The following KCNAB1 variants were observed in gnomAD, a reference collection of about 807,000 sequenced individuals.
KCNAB1 encodes potassium voltage-gated channel subfamily A regulatory beta subunit 1.
KCNAB1 carries 35 observed loss-of-function variants against 64.6 expected under a neutral mutation model. The observed-to-expected ratio is 0.54, with a 90% CI of 0.41 to 0.72. KCNAB1 has a LOEUF of 0.72. KCNAB1 is among the 30% of genes least tolerant of loss of function. The pLI, the probability that KCNAB1 is intolerant of heterozygous loss-of-function variation, is 0.00. For synonymous variants in KCNAB1, 177 were observed against 183.8 expected (o/e 0.96, Z 0.30); for missense variants, 401 against 512.9 (o/e 0.78, Z 2.11).
At chr3:156,417,219 AAAAC>A (rs977163596) in intron 1 of KCNAB1, among the ~76,000 whole-genome samples, 13 of 152,368 alleles carry the variant, frequency 8.5e-5, no homozygotes, top group Admixed American at 4.6e-4. Flanking sequence ...TTTCTTAAAA[AAAAC>A]AAACAAACCC....
intron 1 of KCNAB1, among the ~76,000 whole-genome samples, chr3:156,360,072 C>G (rs1023938345): frequency 6.6e-6 from 1 of 152,096 alleles, no homozygotes; most frequent in South Asian, 2.1e-4. Context: ...CTTCAGTGTT[C>G]GGTTACTATT....
intron 1 of KCNAB1, among the ~76,000 whole-genome samples, chr3:156,259,903 C>CCAT (rs947841555): frequency 1.3e-5 from 2 of 152,172 alleles, no homozygotes; most frequent in African/African-American, 4.8e-5. Flanking sequence ...ACTATTGCTG[C>CCAT]TCTGCCATCT....
intron 1 of KCNAB1, among the ~76,000 whole-genome samples, chr3:156,419,621 C>CATTAAAA (rs1176286214): frequency 2.6e-5 from 4 of 152,104 alleles, no homozygotes; most frequent in Admixed American, 1.3e-4. Flanking sequence ...TACTGAAAGA[C>CATTAAAA]ATTAAAAATA....
At chr3:156,158,183 TAAATAAATAAATAAATA>T (rs1159790429) in intron 1 of KCNAB1, among the ~76,000 whole-genome samples, 9 of 31,994 alleles carry the variant, frequency 2.8e-4, no homozygotes, top group African/African-American at 7.9e-4. Context: ...AAATAAAAAA[TAAATAAATAAATAAATA>T]AATAAATAAA....
intron 1 of KCNAB1, among the ~76,000 whole-genome samples, chr3:156,235,040 G>A (rs1168124812): frequency 6.6e-6 from 1 of 152,204 alleles, no homozygotes; most frequent in African/African-American, 2.4e-5. Context: ...GCTGTGGTGA[G>A]GGAACTGGGC....
intron 1 of KCNAB1, among the ~76,000 whole-genome samples, chr3:156,322,951 T>A (rs1371494483): frequency 6.6e-6 from 1 of 152,178 alleles, no homozygotes; most frequent in Non-Finnish European, 1.5e-5. Context: ...AGTGATCAGC[T>A]CTTCTTTTAT....
At chr3:156,253,665 C>T (rs1053128282) in intron 1 of KCNAB1, among the ~76,000 whole-genome samples, 1 of 152,198 alleles carries the variant, frequency 6.6e-6, no homozygotes, top group African/African-American at 2.4e-5. Context: ...AGCTTCTTCC[C>T]TGAACCTAAG....
intron 11 of KCNAB1, among the ~76,000 whole-genome samples, chr3:156,521,594 G>A (rs1472622514): frequency 6.6e-6 from 1 of 152,176 alleles, no homozygotes; most frequent in African/African-American, 2.4e-5. Flanking sequence ...GGTTGGATGA[G>A]GAGATTTCAC....
chr3:156,158,047 C>T (rs916978097), intron 1 of KCNAB1, among the ~76,000 whole-genome samples: 2 of 151,566 alleles, frequency 1.3e-5, no homozygotes, highest in Non-Finnish European at 2.9e-5. Context: ...TGCCTGTAGT[C>T]CCAGCTACTG....
chr3:156,228,245 G>A (rs759982484), intron 1 of KCNAB1, among the ~76,000 whole-genome samples: 6 of 152,124 alleles, frequency 3.9e-5, no homozygotes, highest in Non-Finnish European at 7.4e-5. Context: ...TCAGATGAAG[G>A]GGAGAGGAGA....
intron 3 of KCNAB1, among the ~76,000 whole-genome samples, chr3:156,454,785 G>T (rs1215234752): frequency 6.6e-6 from 1 of 152,106 alleles, no homozygotes; most frequent in Non-Finnish European, 1.5e-5. Context: ...AAGGGAAAAA[G>T]ACAGAAATAT....
intron 1 of KCNAB1, among the ~76,000 whole-genome samples, chr3:156,228,572 G>C (rs1017046353): frequency 6.6e-6 from 1 of 152,184 alleles, no homozygotes; most frequent in African/African-American, 2.4e-5. Flanking sequence ...ACCGCTGCAG[G>C]TGTGCTAGAG....
chr3:156,441,284 T>C (rs1388488808), intron 2 of KCNAB1: 1 of 152,112 alleles, frequency 6.6e-6, no homozygotes, highest in Admixed American at 6.6e-5. Flanking sequence ...AACAATTCAC[T>C]GAACCATCAA....
At chr3:156,342,477 GAGCTTTTAAAAATACCCA>G (rs1724184548) in intron 1 of KCNAB1, among the ~76,000 whole-genome samples, 1 of 151,582 alleles carries the variant, frequency 6.6e-6, no homozygotes, top group African/African-American at 2.4e-5. Context: ...CAGATGCTGA[GAGCTTTTAAAAATACCCA>G]TGCACAGAGC....
chr3:156,294,469 G>A (rs923464061), intron 1 of KCNAB1, among the ~76,000 whole-genome samples: 6 of 152,034 alleles, frequency 3.9e-5, no homozygotes, highest in Non-Finnish European at 8.8e-5. Flanking sequence ...TGTACACCAA[G>A]CTTTCTTAGG....
At chr3:156,398,374 C>G (rs1208420252) in intron 1 of KCNAB1, among the ~76,000 whole-genome samples, 1 of 152,116 alleles carries the variant, frequency 6.6e-6, no homozygotes, top group African/African-American at 2.4e-5. Context: ...GGGTGGATCA[C>G]GAGCTCAGGA....
chr3:156,420,807 T>C (rs929806076), intron 1 of KCNAB1, among the ~76,000 whole-genome samples: 3 of 152,160 alleles, frequency 2.0e-5, no homozygotes, highest in Non-Finnish European at 4.4e-5. Flanking sequence ...CAAAGACTTA[T>C]AGGCAAATGC....
chr3:156,388,302 GAAATTA>G (rs1712766666), intron 1 of KCNAB1, among the ~76,000 whole-genome samples: 1 of 152,208 alleles, frequency 6.6e-6, no homozygotes, highest in Admixed American at 6.5e-5. Flanking sequence ...AACCAGGATT[GAAATTA>G]GGTTCAGAGT....
At chr3:156,303,084 A>G (rs565901258) in intron 1 of KCNAB1, among the ~76,000 whole-genome samples, 1 of 152,302 alleles carries the variant, frequency 6.6e-6, no homozygotes, top group Non-Finnish European at 1.5e-5. Flanking sequence ...GTTTATTATG[A>G]CACACATTTT....
Sources: allele counts gnomAD v4.1 joint callset (sites outside exome capture counted in the v4.1 genomes callset), GRCh38; gene constraint gnomAD v4.1.1; transcripts MANE v1.5; gene names NCBI Gene and HGNC (gene_info 2026-07-23, HGNC 2026-07-21).